Variants in PRKG1 observed in about 807,000 individuals in gnomAD.
The protein encoded by PRKG1 is cGMP-dependent protein kinase 1.
A neutral mutation model predicts 88.1 loss-of-function variants in PRKG1; 35 were observed. The ratio of observed to expected loss-of-function variants is 0.40; its 90% confidence interval spans 0.30 to 0.53. The LOEUF (loss-of-function observed/expected upper bound fraction) is 0.53, where lower values mean the gene tolerates loss of function less well. Among genes scored for constraint, PRKG1 ranks in the 20% least tolerant of loss-of-function variants. The probability of loss-of-function intolerance (pLI) is 0.59; values close to 1 mark genes in which losing one functional copy is unlikely to be tolerated. For synonymous variants in PRKG1, 303 were observed against 292.5 expected (o/e 1.04, Z -0.37); for missense variants, 540 against 839.8 (o/e 0.64, Z 4.41).
At chr10:51,667,022 G>A (rs570836722) in intron 3 of PRKG1, among the ~76,000 whole-genome samples, 55 of 151,988 alleles carry the variant, frequency 3.6e-4, no homozygotes, top group Admixed American at 2.1e-3. Flanking sequence ...GGCTGGTCTC[G>A]AACTCCTGGG....
intron 2 of PRKG1, among the ~76,000 whole-genome samples, chr10:51,311,907 T>C (rs1198578630): frequency 6.6e-6 from 1 of 152,142 alleles, no homozygotes; most frequent in Admixed American, 6.6e-5. Context: ...GTTTCACTCT[T>C]GTTACCCAGG....
intron 5 of PRKG1, among the ~76,000 whole-genome samples, chr10:51,979,657 G>T (rs1843955095): frequency 8.3e-6 from 1 of 120,300 alleles, no homozygotes; most frequent in Admixed American, 9.3e-5. Flanking sequence ...ATTTATTACT[G>T]CTTCAATTTT....
At chr10:51,084,662 A>G (rs1369072085) in intron 1 of PRKG1, among the ~76,000 whole-genome samples, 1 of 152,194 alleles carries the variant, frequency 6.6e-6, no homozygotes, top group Admixed American at 6.5e-5. Flanking sequence ...TGTGATTATA[A>G]TATGCATCAA....
chr10:51,570,049 G>T, intron 3 of PRKG1, among the ~76,000 whole-genome samples: 1 of 128,836 alleles, frequency 7.8e-6, no homozygotes, highest in South Asian at 2.5e-4. Flanking sequence ...ACCCAAACTA[G>T]TATATATATA....
At chr10:52,206,827 A>C (rs1839831992) in intron 9 of PRKG1, among the ~76,000 whole-genome samples, 1 of 152,154 alleles carries the variant, frequency 6.6e-6, no homozygotes, top group Non-Finnish European at 1.5e-5. Context: ...TGGCCACAAC[A>C]CTGATGGGGG....
intron 5 of PRKG1, among the ~76,000 whole-genome samples, chr10:52,015,867 T>G (rs1238794036): frequency 6.6e-6 from 1 of 152,192 alleles, no homozygotes; most frequent in Non-Finnish European, 1.5e-5. Context: ...ATGCTGCCAG[T>G]GTCTTTGCTA....
At chr10:51,816,845 G>T (rs552885462) in intron 4 of PRKG1, among the ~76,000 whole-genome samples, 1 of 152,224 alleles carries the variant, frequency 6.6e-6, no homozygotes, top group East Asian at 1.9e-4. Flanking sequence ...GCTGGAGGGG[G>T]TCCAATGGGT....
At position 51,518,117 on chromosome 10, in the gene PRKG1, C is replaced by A. The variant is rs776024300; in HGVS notation, c.592+50281C>A. 3.9e-5 allele frequency among the ~76,000 whole-genome samples: 6 copies of A among 152,178 alleles called. No homozygotes were observed. In the East Asian group the frequency reaches 9.6e-4, roughly 24 times the overall value. On this transcript the variant is annotated intron_variant, in intron 3 of 17. Transcript: ENST00000373980. ...AGTTCAAGCAATTCTCCTGTCTCAG[C>A]CTCCCGAGTAGCTGGGATTACAGGT...
At chr10:52,030,728 A>T (rs1288557434) in intron 5 of PRKG1, among the ~76,000 whole-genome samples, 1 of 152,188 alleles carries the variant, frequency 6.6e-6, no homozygotes, top group East Asian at 1.9e-4. Context: ...AGCACAATCA[A>T]TCACTGATGT....
chr10:51,603,819 G>C (rs908169318), intron 3 of PRKG1, among the ~76,000 whole-genome samples: 2 of 152,160 alleles, frequency 1.3e-5, no homozygotes, highest in Non-Finnish European at 2.9e-5. Flanking sequence ...AGAAGGGGTT[G>C]AGATCAGAGA....
At position 51,785,096 on chromosome 10, in the gene PRKG1, G is replaced by A. The variant is rs374282173; in HGVS notation, c.593-19489G>A. Among the ~76,000 whole-genome samples the A allele has an allele frequency of 2.5e-4, 37 of 149,112 alleles. 1 individual carries two copies. Among genetic ancestry groups the A allele is most frequent in the African/African-American group, 7.6e-4 (31 of 40,664 alleles). The stretch of plus-strand genomic sequence containing the variant: ...ATATTTGGGAACATAACAAGTCCTC[G>A]TTAGAAATAGCTTCTTGATTTCTTC... On this transcript the variant is annotated intron_variant, in intron 3 of 17. Transcript: ENST00000373980.
chr10:51,946,509 G>A (rs1433322848), intron 5 of PRKG1, among the ~76,000 whole-genome samples: 2 of 152,090 alleles, frequency 1.3e-5, no homozygotes, highest in Non-Finnish European at 2.9e-5. Context: ...GTGAGGAGAT[G>A]TGTTCCTTTG....
At chr10:51,571,826 A>C (rs1205292927) in intron 3 of PRKG1, among the ~76,000 whole-genome samples, 1 of 151,886 alleles carries the variant, frequency 6.6e-6, no homozygotes, top group African/African-American at 2.4e-5. Flanking sequence ...ATGATGTAAG[A>C]TAGATATATT....
chr10:51,709,621 G>A (rs1939115101), intron 3 of PRKG1, among the ~76,000 whole-genome samples: 1 of 152,202 alleles, frequency 6.6e-6, no homozygotes, highest in Non-Finnish European at 1.5e-5. Flanking sequence ...CCCTTGAGGG[G>A]TCTAGGAAAG....
At chr10:52,041,451 G>A (rs573904200) in intron 5 of PRKG1, among the ~76,000 whole-genome samples, 1 of 152,082 alleles carries the variant, frequency 6.6e-6, no homozygotes, top group Non-Finnish European at 1.5e-5. Context: ...TTATTGTTGT[G>A]GTCTTGACTG....
chr10:51,321,303 T>A (rs1841448918), intron 2 of PRKG1, among the ~76,000 whole-genome samples: 1 of 152,162 alleles, frequency 6.6e-6, no homozygotes, highest in Non-Finnish European at 1.5e-5. Flanking sequence ...AACTTTTTAA[T>A]AGAGCAAGAT....
At chr10:51,077,230 T>C (rs1286126645) in intron 1 of PRKG1, among the ~76,000 whole-genome samples, 1 of 152,238 alleles carries the variant, frequency 6.6e-6, no homozygotes, top group Non-Finnish European at 1.5e-5. Flanking sequence ...CTATGAATAA[T>C]TTGATTACAC....
chr10:50,991,456 G>A lies in PRKG1; in HGVS notation c.78G>A (p.Leu26=). The change falls in exon 1 of 18, where the codon CTG becomes CTA. Residue 26 remains leucine, a synonymous_variant. Transcript: ENST00000401604. The surrounding 1 kb of genome is among the most constrained non-coding windows in gnomAD (Gnocchi z 4.5). Reference sequence around the variant, plus strand: ...GGATCAAAGAGCTGGAGAAGCGGCTGTCAGAGAAGGAGGAAGAAATTCAGG... The same window carrying A: ...GGATCAAAGAGCTGGAGAAGCGGCTATCAGAGAAGGAGGAAGAAATTCAGG... The A allele has an allele frequency of 1.9e-6, 3 of 1,606,000 alleles. No homozygotes were observed. Among genetic ancestry groups the A allele is most frequent in the Non-Finnish European group, 2.5e-6 (3 of 1,176,610 alleles).
chr10:52,151,679 A>G (rs929932806), intron 8 of PRKG1, among the ~76,000 whole-genome samples: 1 of 152,206 alleles, frequency 6.6e-6, no homozygotes, highest in East Asian at 1.9e-4. Flanking sequence ...TGCATGGACC[A>G]TTTGATTTAA....
Sources: gnomAD v4.1 joint callset for allele counts (sites outside exome capture counted in the v4.1 genomes callset) on GRCh38, gnomAD v4.1.1 for gene constraint, Gnocchi (gnomAD v3.1) non-coding constraint, MANE v1.5 for transcripts, NCBI Gene and HGNC (gene_info 2026-07-23, HGNC 2026-07-21) for gene names.